Variants in SMARCD1 observed in about 807,000 individuals in gnomAD.
SMARCD1 encodes SWI/SNF-related matrix-associated actin-dependent regulator of chromatin subfamily D member 1.
Under a neutral mutation model 70.8 loss-of-function variants are expected in SMARCD1, and 16 were observed. The observed-to-expected ratio is 0.23, with a 90% CI of 0.15 to 0.34. SMARCD1 has a LOEUF of 0.34. Ranked by LOEUF, SMARCD1 falls within the 10% of genes least tolerant of loss-of-function variation. SMARCD1 has a pLI of 1.00. For missense variants in SMARCD1, 409 were observed against 655.5 expected (o/e 0.62, Z 4.11); for synonymous variants, 249 against 246.0 (o/e 1.01, Z -0.11).
At chr12:50,093,842 T>C (rs1950869092) in intron 9 of SMARCD1, among the ~76,000 whole-genome samples, 1 of 152,154 alleles carries the variant, frequency 6.6e-6, no homozygotes, top group Admixed American at 6.5e-5. Context: ...TATAGTGGCA[T>C]GAACTTGGCT....
intron 9 of SMARCD1, among the ~76,000 whole-genome samples, chr12:50,090,863 T>G (rs836182): frequency 7.6e-6 from 1 of 132,388 alleles, no homozygotes; most frequent in Admixed American, 7.8e-5. Flanking sequence ...CTCACTCTGT[T>G]GCCCAGGCTG....
At chr12:50,093,997 C>T (rs1361790321) in intron 9 of SMARCD1, among the ~76,000 whole-genome samples, 1 of 151,832 alleles carries the variant, frequency 6.6e-6, no homozygotes, top group Non-Finnish European at 1.5e-5. Flanking sequence ...GGTGATCGCC[C>T]ACCTTGGCCT....
At chr12:50,090,724 A>G (rs1327566978) in intron 9 of SMARCD1, 134 bp downstream of exon 9, 1 of 575,798 alleles carries the variant, frequency 1.7e-6, no homozygotes, top group African/African-American at 1.9e-5. Context: ...TTACAATTAA[A>G]TTACATAAAC....
At chr12:50,096,027 GAGGGCAGGGC>G (rs2137900639) in intron 10 of SMARCD1, among the ~76,000 whole-genome samples, 1 of 152,340 alleles carries the variant, frequency 6.6e-6, no homozygotes, top group South Asian at 2.1e-4. Flanking sequence ...AATTTGTCAA[GAGGGCAGGGC>G]TGGAGGCAGG....
At chr12:50,097,768 G>A (rs976821184) in intron 11 of SMARCD1, among the ~76,000 whole-genome samples, 4 of 151,436 alleles carry the variant, frequency 2.6e-5, no homozygotes, top group African/African-American at 9.7e-5. Context: ...GCGGGTGCCT[G>A]TAATCCCAGC....
At chr12:50,087,555 C>T (rs1282192782) in intron 5 of SMARCD1, 70 bp downstream of exon 5, 5 of 1,559,970 alleles carry the variant, frequency 3.2e-6, no homozygotes, top group Non-Finnish European at 4.4e-6. Flanking sequence ...GTTGTCTGGT[C>T]AGCAGGAAGC....
intron 1 of SMARCD1, 179 bp from the exon 2 acceptor site, chr12:50,085,982 C>T (rs939845123): frequency 4.6e-6 from 2 of 435,036 alleles, no homozygotes; most frequent in Non-Finnish European, 8.0e-6. Flanking sequence ...TCTCGCTTAG[C>T]TTTTGGACTC....
chr12:50,090,156 A>T, intron 7 of SMARCD1, 85 bp from the exon 8 acceptor site: 1 of 1,424,936 alleles, frequency 7.0e-7, no homozygotes, highest in Non-Finnish European at 9.6e-7. Context: ...AAAAAGCACT[A>T]CATTATTTGT....
chr12:50,086,142 G>C lies in SMARCD1; in HGVS notation c.178-19G>C. On this transcript the variant is annotated intron_variant, in intron 1 of 12. Transcript: ENST00000394963. ...AGCAGGTGAAACCATGACATCTCTG[G>C]GTCCTCTCCCCTCTGTAGAGACCAG... 1.4e-6 allele frequency: 2 copies of C among 1,469,982 alleles called. No homozygotes were observed. Among genetic ancestry groups the C allele is most frequent in the Admixed American group, 2.3e-5 (1 of 43,248 alleles). 91.1% of individuals were successfully genotyped at this position (1,469,982 alleles called of 1,614,324 possible).
chr12:50,098,336 T>C (rs1397504801), intron 11 of SMARCD1, among the ~76,000 whole-genome samples: 1 of 152,216 alleles, frequency 6.6e-6, no homozygotes, highest in African/African-American at 2.4e-5. Context: ...CACTGCTTCC[T>C]TCCGCGAGCT....
At chr12:50,090,650 G>A in intron 9 of SMARCD1, 60 bp downstream of exon 9, 3 of 1,283,226 alleles carry the variant, frequency 2.3e-6, no homozygotes, top group Non-Finnish European at 3.4e-6. Flanking sequence ...ATTTGCACAA[G>A]CCAGTTGTCA....
Position 50,087,401 on chromosome 12 carries a change from C to A in SMARCD1, c.570C>A (p.Phe190Leu), listed in dbSNP as rs773237567. The change falls in exon 5 of 13, where the codon TTC becomes TTA. Residue 190 changes from phenylalanine to leucine, a missense_variant. Coordinates refer to ENST00000394963, the MANE Select transcript of SMARCD1 (RefSeq NM_003076.5). ...RKLRIFISNT[F>L]NPAKSDAEDG... ...TGCGAATTTTCATTTCTAACACTTT[C>A]AATCCGGCTAAGTCAGATGCCGAGG... 5 of 1,614,152 alleles carry A rather than the reference C, an allele frequency of 3.1e-6. No homozygotes were observed. The highest frequency in any genetic ancestry group is 2.2e-5 in the South Asian group (2 of 91,078).
At chr12:50,093,641 C>T (rs911061925) in intron 9 of SMARCD1, among the ~76,000 whole-genome samples, 2 of 151,996 alleles carry the variant, frequency 1.3e-5, no homozygotes, top group Non-Finnish European at 2.9e-5. Flanking sequence ...TGCCACCACG[C>T]CCAGGAATTG....
At chr12:50,097,310 G>GGAGGCC (rs1383426838) in intron 11 of SMARCD1, among the ~76,000 whole-genome samples, 1 of 152,156 alleles carries the variant, frequency 6.6e-6, no homozygotes, top group Non-Finnish European at 1.5e-5. Context: ...CAGCACTTTG[G>GGAGGCC]GAGGCCGAGG....
chr12:50,096,724 G>T (rs1273026217), intron 10 of SMARCD1, 126 bp from the exon 11 acceptor site: 7 of 786,728 alleles, frequency 8.9e-6, no homozygotes, highest in Non-Finnish European at 1.4e-5. Context: ...TCTATATGAT[G>T]GTGCCAGCTG....
chr12:50,099,112 T>G lies in SMARCD1; in HGVS notation c.*112T>G. 2 of 942,384 alleles carry G rather than the reference T, an allele frequency of 2.1e-6. No homozygotes were observed. Among genetic ancestry groups the G allele is most frequent in the Admixed American group, 1.9e-5 (1 of 53,854 alleles). The allele number at this position is 942,384 out of a possible 1,614,324, so 58.4% of individuals were successfully genotyped here. On this transcript the variant is annotated 3_prime_UTR_variant, in exon 13 of 13. Transcript: ENST00000394963. Reference sequence around the variant, plus strand: ...CTTGGGGCGTTCCAGGGGATGCTGTTGGTTCAAGGACAACACCAGAATGAA... The same window carrying G: ...CTTGGGGCGTTCCAGGGGATGCTGTGGGTTCAAGGACAACACCAGAATGAA...
chr12:50,098,836 G>A (rs1169745407), intron 12 of SMARCD1, 21 bp downstream of exon 12: 1 of 1,610,434 alleles, frequency 6.2e-7, no homozygotes, highest in African/African-American at 1.3e-5. Context: ...GGGGTGCACG[G>A]GGGAAATTGA....
At chr12:50,087,277 G>C in intron 4 of SMARCD1, 86 bp from the exon 5 acceptor site, 1 of 1,506,362 alleles carries the variant, frequency 6.6e-7, no homozygotes, top group Admixed American at 1.8e-5. Context: ...AGTCTGTTAG[G>C]AGTAATTTTG....
chr12:50,088,182 C>A, intron 5 of SMARCD1: 1 of 688,402 alleles, frequency 1.5e-6, no homozygotes, highest in Non-Finnish European at 2.7e-6. Context: ...CTGCTTATTG[C>A]CTGTGATTCA....
Sources: gnomAD v4.1 joint callset for allele counts (sites outside exome capture counted in the v4.1 genomes callset) on GRCh38, gnomAD v4.1.1 for gene constraint, MANE v1.5 for transcripts, NCBI Gene and HGNC (gene_info 2026-07-23, HGNC 2026-07-21) for gene names.